The following PHF14 variants were observed in gnomAD, a reference collection of about 807,000 sequenced individuals.
The protein encoded by PHF14 is PHD finger protein 14.
Under a neutral mutation model 117.9 loss-of-function variants are expected in PHF14, and 55 were observed. The ratio of observed to expected loss-of-function variants is 0.47; its 90% CI spans 0.38 to 0.58. The LOEUF (loss-of-function observed/expected upper bound fraction) is 0.58, where lower values mean the gene tolerates loss of function less well. Among genes scored for constraint, PHF14 ranks in the 20% least tolerant of loss-of-function variants. The probability of loss-of-function intolerance (pLI) is 0.00; values close to 1 mark genes in which losing one functional copy is unlikely to be tolerated. For missense variants in PHF14, 978 were observed against 1,122.2 expected, an observed-to-expected ratio of 0.87 and a Z score of 1.84; for synonymous variants, 409 against 368.6, an observed-to-expected ratio of 1.11 and a Z score of -1.26.
At chr7:11,010,520 A>G (rs1490006116) in intron 4 of PHF14, among the ~76,000 whole-genome samples, 1 of 151,888 alleles carries the variant, frequency 6.6e-6, no homozygotes, top group Non-Finnish European at 1.5e-5. Context: ...GTATTAAAGT[A>G]TGTTAATTAA....
chr7:11,140,550 A>G (rs899705754), intron 17 of PHF14, among the ~76,000 whole-genome samples: 1 of 152,024 alleles, frequency 6.6e-6, no homozygotes, highest in African/African-American at 2.4e-5. Flanking sequence ...GGCTTTTGTG[A>G]TGAGATCTTT....
At chr7:11,039,811 G>T (rs1784442779) in intron 11 of PHF14, among the ~76,000 whole-genome samples, 1 of 152,164 alleles carries the variant, frequency 6.6e-6, no homozygotes, top group Non-Finnish European at 1.5e-5. Flanking sequence ...AGAATTAGTA[G>T]TCGCCTCTGG....
chr7:11,086,170 C>G (rs962444407), intron 16 of PHF14, among the ~76,000 whole-genome samples: 1 of 152,138 alleles, frequency 6.6e-6, no homozygotes, highest in African/African-American at 2.4e-5. Context: ...TAGTCTGTAT[C>G]CAGTTGTCTT....
intron 16 of PHF14, among the ~76,000 whole-genome samples, chr7:11,083,497 C>G (rs1302758848): frequency 6.9e-6 from 1 of 145,558 alleles, no homozygotes; most frequent in African/African-American, 2.6e-5. Flanking sequence ...ATACAGAGCC[C>G]TTGCTCTGTC....
chr7:10,983,316 C>T (rs1273580502), intron 3 of PHF14, among the ~76,000 whole-genome samples, 157 bp downstream of exon 3: 1 of 152,052 alleles, frequency 6.6e-6, no homozygotes, highest in Non-Finnish European at 1.5e-5. Context: ...TTCATTTGGC[C>T]AACAGACTTT....
intron 14 of PHF14, among the ~76,000 whole-genome samples, chr7:11,058,184 T>C (rs937343942): frequency 6.6e-6 from 1 of 152,212 alleles, no homozygotes; most frequent in African/African-American, 2.4e-5. Flanking sequence ...CTTCTATTCA[T>C]CTGAGATGGG....
chr7:11,162,874 CAAA>C (rs914014407), intron 17 of PHF14, among the ~76,000 whole-genome samples: 11 of 151,988 alleles, frequency 7.2e-5, no homozygotes, highest in South Asian at 2.1e-4. Context: ...AAAGCTGCCA[CAAA>C]GAAGTAAAAA....
intron 16 of PHF14, among the ~76,000 whole-genome samples, chr7:11,069,393 C>T (rs560933409): frequency 6.6e-6 from 1 of 152,226 alleles, no homozygotes; most frequent in East Asian, 1.9e-4. Flanking sequence ...GCCTTCAAGT[C>T]TCCTTAATAA....
intron 17 of PHF14, among the ~76,000 whole-genome samples, chr7:11,128,329 G>A (rs1787988262): frequency 6.6e-6 from 1 of 151,950 alleles, no homozygotes; most frequent in African/African-American, 2.4e-5. Context: ...ACTGAGGAAA[G>A]GGGGGTGATA....
At chr7:11,046,808 A>G (rs1421811474) in intron 13 of PHF14, among the ~76,000 whole-genome samples, 4 of 152,096 alleles carry the variant, frequency 2.6e-5, no homozygotes, top group Non-Finnish European at 5.9e-5. Context: ...TTATGTAGGC[A>G]CCTGTCAAGA....
At chr7:10,999,670 A>C (rs986683479) in intron 4 of PHF14, among the ~76,000 whole-genome samples, 2 of 152,228 alleles carry the variant, frequency 1.3e-5, no homozygotes, top group African/African-American at 4.8e-5. Flanking sequence ...TTGAAAGTTC[A>C]TAATACGACC....
At chr7:11,151,538 G>A (rs961145468) in intron 17 of PHF14, among the ~76,000 whole-genome samples, 2 of 152,114 alleles carry the variant, frequency 1.3e-5, no homozygotes, top group African/African-American at 2.4e-5. Context: ...CAGCCTGGGC[G>A]ACAGCAAGAC....
At chr7:11,111,263 C>A in intron 16 of PHF14, 87 bp from the exon 17 acceptor site, 1 of 597,484 alleles carries the variant, frequency 1.7e-6, no homozygotes, top group Non-Finnish European at 3.0e-6. Flanking sequence ...TTGAAATATA[C>A]AATAGTTTGT....
chr7:11,093,912 C>G (rs1383921360), intron 16 of PHF14, among the ~76,000 whole-genome samples: 2 of 152,160 alleles, frequency 1.3e-5, no homozygotes, highest in African/African-American at 4.8e-5. Context: ...TTTCCTGTCA[C>G]TCCTGTAGGA....
intron 13 of PHF14, among the ~76,000 whole-genome samples, chr7:11,044,516 T>C (rs538262124): frequency 1.3e-5 from 2 of 152,144 alleles, no homozygotes; most frequent in African/African-American, 4.8e-5. Flanking sequence ...TCCTTTGGCC[T>C]CTAAGATCAA....
intron 4 of PHF14, among the ~76,000 whole-genome samples, chr7:11,004,639 G>T (rs915805657): frequency 9.9e-5 from 15 of 151,476 alleles, no homozygotes; most frequent in African/African-American, 4.9e-5. Context: ...TCTCAGTCTG[G>T]ATATATCTGA....
intron 2 of PHF14, among the ~76,000 whole-genome samples, chr7:10,980,681 G>A (rs2128307794): frequency 6.6e-6 from 1 of 152,232 alleles, no homozygotes; most frequent in South Asian, 2.1e-4. Context: ...ACTGGTAGGA[G>A]TTTATTTGTA....
rs1050298475 is a variant in PHF14, at chr7:11,087,824, C to T, written c.2655-23526C>T. Among the ~76,000 whole-genome samples the T allele has an allele frequency of 3.3e-5, 5 of 151,882 alleles. No individual in the cohort carries two copies. In the South Asian group the frequency reaches 1.0e-3, roughly 31 times the overall value. On this transcript the variant is annotated intron_variant, in intron 16 of 17. Coordinates refer to ENST00000634607, the MANE Select transcript of PHF14 (RefSeq NM_001007157.2). ...CATTGGATAAACATTTTGAAATATGCAATAAGAAATAAATAATTTAGGAAC... is the reference window on the plus strand; with the variant it reads ...CATTGGATAAACATTTTGAAATATGTAATAAGAAATAAATAATTTAGGAAC...
chr7:11,044,297 AC>A (rs1248381220), intron 13 of PHF14, among the ~76,000 whole-genome samples: 1 of 152,046 alleles, frequency 6.6e-6, no homozygotes, highest in South Asian at 2.1e-4. Flanking sequence ...CTGTGCATAT[AC>A]CCCCTGATCT....
Sources: gnomAD v4.1 joint callset for allele counts (sites outside exome capture counted in the v4.1 genomes callset) on GRCh38, gnomAD v4.1.1 for gene constraint, MANE v1.5 for transcripts, NCBI Gene and HGNC (gene_info 2026-07-23, HGNC 2026-07-21) for gene names.